MYO10: variants seen among roughly 807,000 people sequenced by gnomAD.
The protein encoded by MYO10 is unconventional myosin-X.
Under a neutral mutation model 257.3 loss-of-function variants are expected in MYO10, and 133 were observed. That is an observed-to-expected ratio of 0.52 (90% CI 0.45 to 0.60). The LOEUF (loss-of-function observed/expected upper bound fraction) is 0.60, where lower values mean the gene tolerates loss of function less well. Among genes scored for constraint, MYO10 ranks in the 20% least tolerant of loss-of-function variants. MYO10 has a pLI of 0.00. For synonymous variants in MYO10, 1,104 were observed against 1,028.6 expected (o/e 1.07, Z -1.40); for missense variants, 2,399 against 2,635.7 (o/e 0.91, Z 1.97).
At chr5:16,852,754 C>T (rs1260655084) in intron 2 of MYO10, among the ~76,000 whole-genome samples, 1 of 152,054 alleles carries the variant, frequency 6.6e-6, no homozygotes, top group Non-Finnish European at 1.5e-5. Flanking sequence ...CCTGGTCACA[C>T]GTAAATGACA....
At chr5:16,856,539 G>A (rs1295763975) in intron 2 of MYO10, among the ~76,000 whole-genome samples, 1 of 150,846 alleles carries the variant, frequency 6.6e-6, no homozygotes, top group East Asian at 1.9e-4. Flanking sequence ...GACAGAGTGA[G>A]ACTGTGTCTC....
Position 16,780,397 on chromosome 5 carries a change from CAT to C in MYO10, c.826+125_826+126del, listed in dbSNP as rs1223527209. 28 of 869,920 alleles carry C rather than the reference CAT, an allele frequency of 3.2e-5. 1 individual carries two copies. In the East Asian group the frequency reaches 7.5e-4, roughly 23 times the overall value. The allele number at this position is 869,920 out of a possible 1,614,324, so 53.9% of individuals were successfully genotyped here. A position where few individuals can be genotyped will look rare whatever the true frequency, so the allele number is the denominator to read the frequency against. Reference sequence around the variant, plus strand: ...AAATTCAGCATCTTTTTGGTGTTCGCATAGTGTACATTTCATTGCTATCGGTG... The same window carrying C: ...AAATTCAGCATCTTTTTGGTGTTCGCAGTGTACATTTCATTGCTATCGGTG... On this transcript the variant is annotated intron_variant, in intron 8 of 40. Transcript: ENST00000513610.
At chr5:16,725,882 G>C (rs1739348695) in intron 19 of MYO10, among the ~76,000 whole-genome samples, 1 of 151,352 alleles carries the variant, frequency 6.6e-6, no homozygotes, top group African/African-American at 2.4e-5. Context: ...CCACTTCCTG[G>C]GTTCAAGCGA....
At chr5:16,868,335 T>C (rs779291075) in intron 2 of MYO10, among the ~76,000 whole-genome samples, 2 of 152,200 alleles carry the variant, frequency 1.3e-5, no homozygotes, top group Non-Finnish European at 2.9e-5. Flanking sequence ...CTGGGCACGG[T>C]GGCTCATGTC....
intron 2 of MYO10, among the ~76,000 whole-genome samples, chr5:16,848,564 C>T (rs34029608): frequency 0.14 from 21,184 of 152,072 alleles, 1,690 homozygotes; most frequent in East Asian, 0.27. Context: ...ATCCACCCCC[C>T]ACCACCCACT....
chr5:16,699,770 G>C (rs1316430965), intron 25 of MYO10, 197 bp from the exon 26 acceptor site: 9 of 143,834 alleles, frequency 6.3e-5, no homozygotes, highest in East Asian at 3.6e-4. Context: ...CTGGGCAACA[G>C]AGCAAGCCTC....
chr5:16,922,785 C>T (rs1429760121), intron 1 of MYO10, among the ~76,000 whole-genome samples: 1 of 152,222 alleles, frequency 6.6e-6, no homozygotes, highest in Non-Finnish European at 1.5e-5. Flanking sequence ...AATTCCAGCA[C>T]TCTGGGACGC....
chr5:16,777,904 A>C (rs559770088), intron 9 of MYO10, among the ~76,000 whole-genome samples: 2 of 129,900 alleles, frequency 1.5e-5, no homozygotes, highest in South Asian at 5.0e-4. Context: ...GCTGGAGTGC[A>C]AAGGCGTGAT....
intron 1 of MYO10, among the ~76,000 whole-genome samples, chr5:16,879,073 CT>C (rs1167163023): frequency 2.0e-5 from 3 of 151,932 alleles, no homozygotes; most frequent in Admixed American, 6.6e-5. Flanking sequence ...TCTCATTAAA[CT>C]TTTTCTACTC....
intron 19 of MYO10, among the ~76,000 whole-genome samples, chr5:16,746,374 G>T (rs1278796558): frequency 6.6e-6 from 1 of 152,130 alleles, no homozygotes; most frequent in East Asian, 1.9e-4. Context: ...TAGAATGGCT[G>T]CGTCTGAGAA....
intron 19 of MYO10, among the ~76,000 whole-genome samples, chr5:16,736,468 C>G (rs1739808321): frequency 6.6e-6 from 1 of 152,190 alleles, no homozygotes. Context: ...TTGTACACCT[C>G]TTTGTTCCTG....
intron 1 of MYO10, among the ~76,000 whole-genome samples, chr5:16,929,744 C>A (rs1399711911): frequency 6.6e-6 from 1 of 152,110 alleles, no homozygotes; most frequent in Non-Finnish European, 1.5e-5. Flanking sequence ...CCCCAGATAC[C>A]AAAATCCATG....
Position 16,763,528 on chromosome 5 carries a change from C to T in MYO10, c.1447G>A (p.Asp483Asn), listed in dbSNP as rs1310073819. The change falls in exon 14 of 41, where the codon GAT (aspartate) becomes AAT (asparagine). Residue 483 changes from aspartate to asparagine, a missense_variant. This residue lies in a region of MYO10 where 337 missense variants were observed against 446.8 expected (regional missense o/e 0.75). Transcript: ENST00000513610. ...TCTCCATTGTCTATCCAGTCAATATCTTCCCACACTAATCCTTCCCTGTAG... is the reference window on the plus strand; with the variant it reads ...TCTCCATTGTCTATCCAGTCAATATTTTCCCACACTAATCCTTCCCTGTAG... ...EYSREGLVWE[D>N]IDWIDNGECL... 6.2e-7 allele frequency: 1 copy of T among 1,612,146 alleles called. No homozygotes were observed. The highest frequency in any genetic ancestry group is 1.7e-5 in the Admixed American group (1 of 59,990).
At chr5:16,688,681 G>C (rs939303791) in intron 28 of MYO10, among the ~76,000 whole-genome samples, 11 of 151,666 alleles carry the variant, frequency 7.3e-5, no homozygotes, top group African/African-American at 2.4e-4. Flanking sequence ...TGGAGGCTGC[G>C]GTGAGCCAAG....
intron 32 of MYO10, among the ~76,000 whole-genome samples, chr5:16,680,437 ACTCT>A (rs917474584): frequency 2.6e-5 from 4 of 151,152 alleles, no homozygotes; most frequent in African/African-American, 4.9e-5. Context: ...AGGAGTGAAA[ACTCT>A]CTCTGATTTC....
intron 33 of MYO10, among the ~76,000 whole-genome samples, chr5:16,677,216 TA>T (rs1471091815): frequency 6.6e-6 from 1 of 152,198 alleles, no homozygotes; most frequent in African/African-American, 2.4e-5. Flanking sequence ...ATTTCCACTA[TA>T]AAACTTTTTC....
At chr5:16,669,219 TTTC>T (rs1419670783) in intron 39 of MYO10, among the ~76,000 whole-genome samples, 1 of 29,584 alleles carries the variant, frequency 3.4e-5, no homozygotes, top group African/African-American at 6.0e-5. Flanking sequence ...AGCTTTCTTT[TTTC>T]TTTTTTTTTT....
chr5:16,786,440 G>A lies in MYO10; in HGVS notation c.468-2971C>T, dbSNP rs539734550. On this transcript the variant is annotated intron_variant, in intron 4 of 40. Transcript: ENST00000513610. ...ATCTCCTATCTGAAATGCTGGGGAC[G>A]AGAAGTGTTTCTGATTTCAGATTCT... 8.5e-5 allele frequency among the ~76,000 whole-genome samples: 13 copies of A among 152,266 alleles called. No homozygotes were observed. In the East Asian group the frequency reaches 9.6e-4, roughly 11 times the overall value.
chr5:16,835,842 A>G (rs187072391), intron 2 of MYO10, among the ~76,000 whole-genome samples: 4 of 152,290 alleles, frequency 2.6e-5, no homozygotes, highest in Non-Finnish European at 5.9e-5. Flanking sequence ...GATAACAAAA[A>G]CATTAATATC....
Sources: allele counts gnomAD v4.1 joint callset (sites outside exome capture counted in the v4.1 genomes callset), GRCh38; gene constraint gnomAD v4.1.1; regional missense constraint gnomAD v4.1.1; transcripts MANE v1.5; gene names NCBI Gene and HGNC (gene_info 2026-07-23, HGNC 2026-07-21).